The following CADM2 variants were observed in gnomAD, a reference collection of about 807,000 sequenced individuals.
CADM2 encodes immunoglobulin superfamily member 4D.
In CADM2, 12 loss-of-function variants were observed where a neutral mutation model predicts 49.8. That is an observed-to-expected ratio of 0.24 (90% CI 0.15 to 0.39). The LOEUF is 0.39. Among genes scored for constraint, CADM2 ranks in the 10% least tolerant of loss-of-function variants. CADM2 has a pLI of 1.00. For missense variants in CADM2, 378 were observed against 492.3 expected (o/e 0.77, Z 2.20); for synonymous variants, 214 against 175.4 (o/e 1.22, Z -1.74).
chr3:85,322,127 C>G (rs904694049), intron 1 of CADM2, among the ~76,000 whole-genome samples: 1 of 152,102 alleles, frequency 6.6e-6, no homozygotes, highest in Admixed American at 6.6e-5. Flanking sequence ...AAGTACATTT[C>G]AAATAACCAA....
At chr3:85,570,573 G>A (rs2062445923) in intron 1 of CADM2, among the ~76,000 whole-genome samples, 1 of 151,914 alleles carries the variant, frequency 6.6e-6, no homozygotes, top group South Asian at 2.1e-4. Context: ...CAGACATATG[G>A]TCTTTTGTGA....
At chr3:85,730,043 A>G (rs1252062167) in intron 2 of CADM2, among the ~76,000 whole-genome samples, 2 of 152,204 alleles carry the variant, frequency 1.3e-5, no homozygotes. Context: ...AAGATTTGAA[A>G]TACCTTTAAC....
chr3:85,403,534 G>T (rs1402944042), intron 1 of CADM2, among the ~76,000 whole-genome samples: 1 of 152,066 alleles, frequency 6.6e-6, no homozygotes, highest in Non-Finnish European at 1.5e-5. Flanking sequence ...AATGCAGTTA[G>T]CCTTTAATGT....
intron 1 of CADM2, among the ~76,000 whole-genome samples, chr3:85,009,288 GT>G (rs1288649719): frequency 2.3e-4 from 35 of 152,234 alleles, no homozygotes; most frequent in African/African-American, 7.9e-4. Context: ...ATATATAAAA[GT>G]TATCAGAGTG....
chr3:85,592,428 G>A (rs2063132065), intron 1 of CADM2, among the ~76,000 whole-genome samples: 1 of 152,062 alleles, frequency 6.6e-6, no homozygotes, highest in Admixed American at 6.6e-5. Context: ...TACAGGAGCT[G>A]CTTTCAAGCC....
At chr3:85,607,225 T>C (rs897915114) in intron 1 of CADM2, among the ~76,000 whole-genome samples, 12 of 152,116 alleles carry the variant, frequency 7.9e-5, no homozygotes, top group African/African-American at 2.9e-4. Flanking sequence ...TAAAGACACA[T>C]AGCAAAGAAT....
chr3:85,943,736 A>G (rs1337457289), intron 7 of CADM2, among the ~76,000 whole-genome samples: 2 of 151,928 alleles, frequency 1.3e-5, no homozygotes, highest in Non-Finnish European at 2.9e-5. Context: ...GCCCTCAGAA[A>G]TAACGCCGCA....
chr3:85,580,171 T>C (rs1159884283), intron 1 of CADM2, among the ~76,000 whole-genome samples: 1 of 152,178 alleles, frequency 6.6e-6, no homozygotes, highest in African/African-American at 2.4e-5. Flanking sequence ...AGTTATTTAT[T>C]GACCCATTTA....
At chr3:85,027,513 T>A (rs1020320808) in intron 1 of CADM2, among the ~76,000 whole-genome samples, 4 of 152,216 alleles carry the variant, frequency 2.6e-5, no homozygotes, top group African/African-American at 9.6e-5. Context: ...TATCTTCTAA[T>A]AAACATCTTT....
intron 5 of CADM2, among the ~76,000 whole-genome samples, chr3:85,902,060 G>A (rs1017347255): frequency 1.3e-5 from 2 of 151,788 alleles, no homozygotes; most frequent in Non-Finnish European, 2.9e-5. Flanking sequence ...TTATGCTTTG[G>A]GGCTTTTATT....
rs191851784 is a variant in CADM2, at chr3:85,725,227, A to T, written c.62-1295A>T. Among the ~76,000 whole-genome samples the T allele has an allele frequency of 2.2e-3, 335 of 152,092 alleles. 1 individual carries two copies. The highest frequency in any genetic ancestry group is 7.7e-3 in the African/African-American group (321 of 41,572). ...ATTTTAAAATAAACTAGTAGCATAT[A>T]TATGCAAATAGTAAGGCAGTTTTTG... On this transcript the variant is annotated intron_variant, in intron 1 of 9. Coordinates refer to ENST00000383699, the MANE Select transcript of CADM2 (RefSeq NM_001167675.2).
intron 1 of CADM2, among the ~76,000 whole-genome samples, chr3:85,418,592 T>A (rs2036016148): frequency 6.6e-6 from 1 of 151,400 alleles, no homozygotes; most frequent in African/African-American, 2.4e-5. Flanking sequence ...TTACATTATA[T>A]TTTTTTAGGT....
Position 85,498,180 on chromosome 3 carries a change from T to A in CADM2, c.62-228342T>A, listed in dbSNP as rs1391367985. 2.0e-5 allele frequency among the ~76,000 whole-genome samples: 3 copies of A among 151,844 alleles called. No individual in the cohort carries two copies. In the East Asian group the frequency reaches 5.8e-4, roughly 29 times the overall value. On this transcript the variant is annotated intron_variant, in intron 1 of 9. Transcript: ENST00000383699. Reference sequence around the variant, plus strand: ...GTCTGTTTGTTGCCAAGTTTTTTTTTTTTTTTTTGTATTTTCTGGGCTTTT... The same window carrying A: ...GTCTGTTTGTTGCCAAGTTTTTTTTATTTTTTTTGTATTTTCTGGGCTTTT...
intron 1 of CADM2, among the ~76,000 whole-genome samples, chr3:85,334,488 C>A (rs1413418313): frequency 6.6e-6 from 1 of 151,452 alleles, no homozygotes; most frequent in Non-Finnish European, 1.5e-5. Flanking sequence ...TGTAATAGTG[C>A]CTCTGGTCAA....
At chr3:85,084,446 A>G (rs2037295258) in intron 1 of CADM2, among the ~76,000 whole-genome samples, 1 of 152,174 alleles carries the variant, frequency 6.6e-6, no homozygotes, top group African/African-American at 2.4e-5. Context: ...AAAAAGCAAA[A>G]TAACTTCAGT....
chr3:85,640,112 G>T (rs147525660), intron 1 of CADM2, among the ~76,000 whole-genome samples: 158 of 152,248 alleles, frequency 1.0e-3, no homozygotes, highest in African/African-American at 3.6e-3. Context: ...TAATTCTGTG[G>T]TCTCCTGCCT....
chr3:85,276,909 A>T (rs1411528778), intron 1 of CADM2, among the ~76,000 whole-genome samples: 7 of 151,480 alleles, frequency 4.6e-5, no homozygotes. Flanking sequence ...TTCTAGAGGA[A>T]TGTGAATATC....
intron 1 of CADM2, among the ~76,000 whole-genome samples, chr3:85,343,395 C>G (rs976605566): frequency 1.3e-5 from 2 of 152,146 alleles, no homozygotes; most frequent in African/African-American, 4.8e-5. Context: ...ATATCTCTCG[C>G]TTAACTCCCA....
At chr3:85,155,651 C>G (rs976974462) in intron 1 of CADM2, among the ~76,000 whole-genome samples, 9 of 151,912 alleles carry the variant, frequency 5.9e-5, no homozygotes, top group African/African-American at 9.7e-5. Context: ...TTTTCAGCAC[C>G]ACACCACACC....
Sources: gnomAD v4.1 joint callset for allele counts (sites outside exome capture counted in the v4.1 genomes callset) on GRCh38, gnomAD v4.1.1 for gene constraint, MANE v1.5 for transcripts, NCBI Gene and HGNC (gene_info 2026-07-23, HGNC 2026-07-21) for gene names.